The following ARSJ variants were observed in gnomAD, a reference collection of about 807,000 sequenced individuals.
ARSJ encodes the protein arylsulfatase J.
In ARSJ, 26 loss-of-function variants were observed where a neutral mutation model predicts 35.9. The observed-to-expected ratio is 0.72, with a 90% confidence interval of 0.53 to 1.00. The LOEUF is 1.00. Ranked by LOEUF, ARSJ falls within the 50% of genes least tolerant of loss-of-function variation. The probability of loss-of-function intolerance (pLI) is 0.00; values close to 1 mark genes in which losing one functional copy is unlikely to be tolerated. For synonymous variants in ARSJ, 294 were observed against 267.6 expected (o/e 1.10, Z -0.96); for missense variants, 667 against 723.6 (o/e 0.92, Z 0.90).
At chr4:113,938,788 C>T (rs1448232965) in intron 1 of ARSJ, among the ~76,000 whole-genome samples, 1 of 151,924 alleles carries the variant, frequency 6.6e-6, no homozygotes, top group East Asian at 1.9e-4. Context: ...CAAAAGAAGA[C>T]ATTTATGTGG....
At chr4:113,953,642 C>T (rs1292810644) in intron 1 of ARSJ, among the ~76,000 whole-genome samples, 1 of 152,008 alleles carries the variant, frequency 6.6e-6, no homozygotes, top group Non-Finnish European at 1.5e-5. Context: ...GGCACCAGAT[C>T]TATCTGGTAA....
At position 113,903,411 on chromosome 4, in the gene ARSJ, G is replaced by A. The variant is rs2099667760; in HGVS notation, c.663C>T (p.Asp221=). 6.2e-7 allele frequency: 1 copy of A among 1,614,006 alleles called. No homozygotes were observed. The highest frequency in any genetic ancestry group is 1.3e-5 in the African/African-American group (1 of 74,888). ...AGGCAGCATTGTCGTTTTCATACAA[G>A]TCATAGCCACACATCCCAGGACTGT... ...KCDSPGMCGY[D]LYENDNAAWD... The change falls in exon 2 of 2, where the codon GAC becomes GAT. Residue 221 remains aspartate, a synonymous_variant. Transcript: ENST00000315366.
At chr4:113,957,401 G>A (rs1009260320) in intron 1 of ARSJ, among the ~76,000 whole-genome samples, 16 of 152,018 alleles carry the variant, frequency 1.1e-4, no homozygotes, top group Non-Finnish European at 1.8e-4. Flanking sequence ...TGCTTGCAAA[G>A]CTAATAAGCA....
intron 1 of ARSJ, among the ~76,000 whole-genome samples, chr4:113,940,165 T>C (rs1247925023): frequency 6.6e-6 from 1 of 152,114 alleles, no homozygotes; most frequent in Admixed American, 6.6e-5. Flanking sequence ...ATATAAATCA[T>C]TCTGTTATAA....
intron 1 of ARSJ, chr4:113,971,033 T>C (rs11932841): frequency 0.34 from 48,796 of 145,024 alleles, 9,239 homozygotes; most frequent in Non-Finnish European, 0.45. Flanking sequence ...AGTCTTTTAT[T>C]TTTATTATTT....
chr4:113,926,085 C>A (rs991168879), intron 1 of ARSJ, among the ~76,000 whole-genome samples: 1 of 152,120 alleles, frequency 6.6e-6, no homozygotes, highest in African/African-American at 2.4e-5. Flanking sequence ...GCCATCCTAT[C>A]CCTTGATTAT....
chr4:113,927,086 G>A lies in ARSJ; in HGVS notation c.399-23411C>T, dbSNP rs117628936. 2.3e-4 allele frequency among the ~76,000 whole-genome samples: 35 copies of A among 152,210 alleles called. No homozygotes were observed. In the East Asian group the frequency reaches 6.8e-3, roughly 30 times the overall value. ...CCCACTCAAACTGGCAGCCTTTCGG[G>A]TCACTCAATAAAAGGGTCAGAGTAA... On this transcript the variant is annotated intron_variant, in intron 1 of 1. Coordinates refer to ENST00000315366, the MANE Select transcript of ARSJ (RefSeq NM_024590.4).
At chr4:113,956,372 C>T (rs376808935) in intron 1 of ARSJ, among the ~76,000 whole-genome samples, 55 of 152,012 alleles carry the variant, frequency 3.6e-4, no homozygotes, top group African/African-American at 1.3e-3. Flanking sequence ...AGGGGTTCTA[C>T]GACATTAAAA....
intron 1 of ARSJ, among the ~76,000 whole-genome samples, chr4:113,927,782 A>G (rs575697562): frequency 5.9e-5 from 9 of 152,100 alleles, no homozygotes; most frequent in Non-Finnish European, 1.2e-4. Flanking sequence ...GAAGAGTTGA[A>G]TGGGGATGTG....
At chr4:113,962,069 C>T (rs912716629) in intron 1 of ARSJ, among the ~76,000 whole-genome samples, 1 of 151,950 alleles carries the variant, frequency 6.6e-6, no homozygotes, top group Non-Finnish European at 1.5e-5. Context: ...ACCATCTGAC[C>T]ATATGGATGG....
At chr4:113,922,564 C>T (rs1378576647) in intron 1 of ARSJ, among the ~76,000 whole-genome samples, 2 of 152,098 alleles carry the variant, frequency 1.3e-5, no homozygotes, top group African/African-American at 4.8e-5. Context: ...TTTTCACTAC[C>T]TGGAAAATGA....
chr4:113,942,299 C>A (rs1016653217), intron 1 of ARSJ, among the ~76,000 whole-genome samples: 13 of 151,968 alleles, frequency 8.6e-5, no homozygotes, highest in African/African-American at 3.1e-4. Context: ...AAACAGCTTC[C>A]AGATCAATAT....
At chr4:113,924,066 AATATATATAAATATATAT>A (rs1239685939) in intron 1 of ARSJ, among the ~76,000 whole-genome samples, 31 of 107,394 alleles carry the variant, frequency 2.9e-4, no homozygotes, top group Middle Eastern at 4.2e-3. Context: ...AATATATATA[AATATATATAAATATATAT>A]ATATATATAT....
chr4:113,978,888 T>G lies in ARSJ; in HGVS notation c.-54A>C, dbSNP rs971573941. 111 of 1,517,564 alleles carry G rather than the reference T, an allele frequency of 7.3e-5. No homozygotes were observed. In the Middle Eastern group the frequency reaches 1.1e-3, roughly 15 times the overall value. The allele number at this position is 1,517,564 out of a possible 1,614,324, so 94.0% of individuals were successfully genotyped here. On this transcript the variant is annotated 5_prime_UTR_variant, in exon 1 of 2. Coordinates refer to ENST00000315366, the MANE Select transcript of ARSJ (RefSeq NM_024590.4). ...CGGAGAACCACGCGCCCCGCGCCGC[T>G]GCGGGCGCACACATGCACCCAACAG...
intron 1 of ARSJ, among the ~76,000 whole-genome samples, chr4:113,913,009 A>G (rs1723031570): frequency 6.6e-6 from 1 of 152,178 alleles, no homozygotes; most frequent in Non-Finnish European, 1.5e-5. Context: ...AAATGAATGG[A>G]CACACTCACT....
At chr4:113,904,571 G>A (rs556365405) in intron 1 of ARSJ, among the ~76,000 whole-genome samples, 8 of 152,216 alleles carry the variant, frequency 5.3e-5, no homozygotes, top group South Asian at 2.1e-4. Context: ...TGCAAGCTCC[G>A]CCTCCCGGGT....
intron 1 of ARSJ, among the ~76,000 whole-genome samples, chr4:113,931,789 C>T (rs908551741): frequency 1.3e-5 from 2 of 151,884 alleles, no homozygotes; most frequent in African/African-American, 4.8e-5. Flanking sequence ...ACACAAGAAA[C>T]GCTTGATCCA....
At chr4:113,914,906 G>A (rs1180007759) in intron 1 of ARSJ, among the ~76,000 whole-genome samples, 1 of 152,182 alleles carries the variant, frequency 6.6e-6, no homozygotes, top group African/African-American at 2.4e-5. Context: ...CTTCAAAACA[G>A]TTGAGTTTCC....
At chr4:113,914,827 T>C (rs1189637491) in intron 1 of ARSJ, among the ~76,000 whole-genome samples, 1 of 152,230 alleles carries the variant, frequency 6.6e-6, no homozygotes, top group Non-Finnish European at 1.5e-5. Flanking sequence ...TGTGGTATAC[T>C]ATATATCCAC....
Sources: gnomAD v4.1 joint callset for allele counts (sites outside exome capture counted in the v4.1 genomes callset) on GRCh38, gnomAD v4.1.1 for gene constraint, MANE v1.5 for transcripts, NCBI Gene and HGNC (gene_info 2026-07-23, HGNC 2026-07-21) for gene names.